The following GABBR2 variants were observed in gnomAD, a reference collection of about 807,000 sequenced individuals.
GABBR2 encodes the protein G-protein coupled receptor 51.
In GABBR2, 23 loss-of-function variants were observed where a neutral mutation model predicts 105.6. The ratio of observed to expected loss-of-function variants is 0.22; its 90% CI spans 0.16 to 0.31. The LOEUF is 0.31. GABBR2 is among the 10% of genes least tolerant of loss of function. GABBR2 has a pLI of 1.00. For synonymous variants in GABBR2, 478 were observed against 499.7 expected (o/e 0.96, Z 0.58); for missense variants, 734 against 1,245.5 (o/e 0.59, Z 6.18).
chr9:98,420,922 C>T (rs1266410155), intron 7 of GABBR2, among the ~76,000 whole-genome samples: 1 of 152,160 alleles, frequency 6.6e-6, no homozygotes, highest in Non-Finnish European at 1.5e-5. Context: ...GAAGAAAGGC[C>T]TGTAGCAAAG....
At chr9:98,536,317 T>A (rs1466014110) in intron 3 of GABBR2, among the ~76,000 whole-genome samples, 1 of 152,058 alleles carries the variant, frequency 6.6e-6, no homozygotes, top group Non-Finnish European at 1.5e-5. Context: ...GGCCCAATTC[T>A]CTTAGCTTAC....
At chr9:98,528,070 A>T (rs553309458) in intron 3 of GABBR2, among the ~76,000 whole-genome samples, 13 of 152,196 alleles carry the variant, frequency 8.5e-5, no homozygotes, top group Non-Finnish European at 1.8e-4. Flanking sequence ...TATATTATTA[A>T]AATTAATGTT....
intron 17 of GABBR2, among the ~76,000 whole-genome samples, chr9:98,296,015 T>G (rs2131339486): frequency 6.6e-6 from 1 of 152,276 alleles, no homozygotes; most frequent in Admixed American, 6.5e-5. Context: ...ACCGCTACGG[T>G]GAATCAGCAG....
intron 1 of GABBR2, among the ~76,000 whole-genome samples, chr9:98,695,056 C>T (rs1037859166): frequency 1.3e-5 from 2 of 152,254 alleles, no homozygotes; most frequent in Admixed American, 6.5e-5. Context: ...CCATTCCTCA[C>T]AGATGCCTGA....
intron 8 of GABBR2, among the ~76,000 whole-genome samples, chr9:98,403,485 T>TA (rs1832435228): frequency 6.6e-6 from 1 of 152,048 alleles, no homozygotes; most frequent in Admixed American, 6.6e-5. Context: ...ACTAGCCAGC[T>TA]GTGTGTCCCT....
chr9:98,451,962 T>C (rs941056618), intron 7 of GABBR2, among the ~76,000 whole-genome samples: 1 of 152,216 alleles, frequency 6.6e-6, no homozygotes, highest in African/African-American at 2.4e-5. Context: ...ACTTTTTCAC[T>C]AAAGGTCACA....
At chr9:98,567,666 T>A (rs1487728442) in intron 2 of GABBR2, among the ~76,000 whole-genome samples, 1 of 152,230 alleles carries the variant, frequency 6.6e-6, no homozygotes, top group Non-Finnish European at 1.5e-5. Flanking sequence ...CCAGCATCCC[T>A]GTCCCATCTA....
chr9:98,407,143 T>C (rs972138162), intron 7 of GABBR2, among the ~76,000 whole-genome samples: 1 of 152,230 alleles, frequency 6.6e-6, no homozygotes, highest in Non-Finnish European at 1.5e-5. Context: ...TTTTCATTAT[T>C]GTGAAATTAG....
At chr9:98,326,801 T>C (rs1246055208) in intron 13 of GABBR2, among the ~76,000 whole-genome samples, 1 of 152,250 alleles carries the variant, frequency 6.6e-6, no homozygotes, top group Non-Finnish European at 1.5e-5. Context: ...ACGAGTCAGG[T>C]ACTTTGCTAG....
chr9:98,335,583 G>A (rs186577317), intron 13 of GABBR2, among the ~76,000 whole-genome samples: 5 of 152,116 alleles, frequency 3.3e-5, no homozygotes, highest in African/African-American at 9.7e-5. Flanking sequence ...GGTGTGACCC[G>A]GGCCGGTATT....
At chr9:98,663,834 T>C (rs923315820) in intron 1 of GABBR2, among the ~76,000 whole-genome samples, 1 of 152,052 alleles carries the variant, frequency 6.6e-6, no homozygotes, top group African/African-American at 2.4e-5. Context: ...CAGAGGGACA[T>C]CCCAAATTTA....
chr9:98,511,922 C>A (rs576108056), intron 3 of GABBR2, among the ~76,000 whole-genome samples: 1 of 152,278 alleles, frequency 6.6e-6, no homozygotes, highest in East Asian at 1.9e-4. Flanking sequence ...CCAACATCAT[C>A]CTGATACCAA....
intron 1 of GABBR2, among the ~76,000 whole-genome samples, chr9:98,642,743 G>A (rs191663552): frequency 8.5e-5 from 13 of 152,294 alleles, no homozygotes; most frequent in Admixed American, 2.0e-4. Context: ...TGTTTTAGGC[G>A]TGCGCGTGTG....
chr9:98,646,561 C>T (rs1830030891), intron 1 of GABBR2, among the ~76,000 whole-genome samples: 1 of 152,178 alleles, frequency 6.6e-6, no homozygotes, highest in Non-Finnish European at 1.5e-5. Flanking sequence ...CTCTGAGTCC[C>T]TCTAGCAAAT....
At chr9:98,327,966 T>C (rs1399122827) in intron 13 of GABBR2, among the ~76,000 whole-genome samples, 1 of 144,704 alleles carries the variant, frequency 6.9e-6, no homozygotes. Flanking sequence ...ATATGTAGTT[T>C]TGAGGATTTC....
At chr9:98,698,480 G>C (rs898138604) in intron 1 of GABBR2, among the ~76,000 whole-genome samples, 1 of 150,134 alleles carries the variant, frequency 6.7e-6, no homozygotes, top group South Asian at 2.1e-4. Context: ...CATAACCAAT[G>C]TACTCTTACT....
chr9:98,297,111 A>AT (rs1304986788), intron 17 of GABBR2, among the ~76,000 whole-genome samples: 4 of 152,286 alleles, frequency 2.6e-5, no homozygotes, highest in Middle Eastern at 3.4e-3. Flanking sequence ...ATGCCTACCC[A>AT]TTTATCCCAA....
intron 1 of GABBR2, among the ~76,000 whole-genome samples, chr9:98,618,052 A>G (rs1829613399): frequency 6.6e-6 from 1 of 152,226 alleles, no homozygotes; most frequent in Non-Finnish European, 1.5e-5. Context: ...AAAGTGCTCA[A>G]AAAAGAGTAG....
chr9:98,690,439 CTTCT>C (rs947782158), intron 1 of GABBR2, among the ~76,000 whole-genome samples: 37 of 152,296 alleles, frequency 2.4e-4, no homozygotes, highest in African/African-American at 8.2e-4. Context: ...TATACATCAG[CTTCT>C]TTATCAGTGA....
Sources: gnomAD v4.1 joint callset for allele counts (sites outside exome capture counted in the v4.1 genomes callset) on GRCh38, gnomAD v4.1.1 for gene constraint, MANE v1.5 for transcripts, NCBI Gene and HGNC (gene_info 2026-07-23, HGNC 2026-07-21) for gene names.